GABRG3: variants seen among roughly 807,000 people sequenced by gnomAD.
The protein encoded by GABRG3 is gamma-aminobutyric acid type A receptor subunit gamma3.
In GABRG3, 25 loss-of-function variants were observed where a neutral mutation model predicts 48.8. That is an observed-to-expected ratio of 0.51 (90% CI 0.37 to 0.72). The LOEUF is 0.72. GABRG3 is among the 30% of genes least tolerant of loss of function. The pLI is 0.00. For missense variants in GABRG3, 394 were observed against 577.9 expected (o/e 0.68, Z 3.26); for synonymous variants, 227 against 217.6 (o/e 1.04, Z -0.38).
intron 9 of GABRG3, among the ~76,000 whole-genome samples, chr15:27,528,838 G>A (rs1038459954): frequency 1.3e-5 from 2 of 151,760 alleles, no homozygotes; most frequent in Non-Finnish European, 2.9e-5. Context: ...TATATAAATT[G>A]TATTTTATAA....
chr15:27,169,933 G>C (rs1887509287), intron 3 of GABRG3, among the ~76,000 whole-genome samples: 1 of 152,074 alleles, frequency 6.6e-6, no homozygotes. Flanking sequence ...AAGAGGGAGA[G>C]AGAGAGGAAA....
chr15:27,388,222 A>G (rs71397222), intron 5 of GABRG3, among the ~76,000 whole-genome samples: 3 of 53,582 alleles, frequency 5.6e-5, no homozygotes, highest in African/African-American at 9.6e-5. Context: ...AGGAGGAAGG[A>G]AGGAAAGGGA....
chr15:27,446,230 A>G (rs536259005), intron 5 of GABRG3, among the ~76,000 whole-genome samples: 4 of 152,320 alleles, frequency 2.6e-5, no homozygotes, highest in Admixed American at 2.0e-4. Flanking sequence ...GACTACTTTG[A>G]GTAGTATTAT....
intron 3 of GABRG3, among the ~76,000 whole-genome samples, chr15:27,210,868 G>C (rs1889057048): frequency 6.6e-6 from 1 of 152,132 alleles, no homozygotes; most frequent in Non-Finnish European, 1.5e-5. Flanking sequence ...CAGAAGGCCT[G>C]TTTCCGGGAA....
intron 5 of GABRG3, among the ~76,000 whole-genome samples, chr15:27,421,239 G>A (rs1888103785): frequency 6.6e-6 from 1 of 152,206 alleles, no homozygotes; most frequent in South Asian, 2.1e-4. Context: ...TAGCTTTGAG[G>A]ACAGAGGAGT....
At chr15:27,089,501 A>G (rs989229551) in intron 3 of GABRG3, among the ~76,000 whole-genome samples, 27 of 152,152 alleles carry the variant, frequency 1.8e-4, no homozygotes, top group African/African-American at 6.0e-4. Context: ...TCCGGGGTCC[A>G]TAGCCCTGGA....
At chr15:27,260,904 G>A (rs1890748143) in intron 3 of GABRG3, among the ~76,000 whole-genome samples, 1 of 152,152 alleles carries the variant, frequency 6.6e-6, no homozygotes, top group Non-Finnish European at 1.5e-5. Flanking sequence ...GCACTGAGAG[G>A]TATGACACGG....
intron 3 of GABRG3, among the ~76,000 whole-genome samples, chr15:27,302,557 C>A (rs1444139482): frequency 6.6e-6 from 1 of 151,916 alleles, no homozygotes; most frequent in Non-Finnish European, 1.5e-5. Context: ...CTTCAACATC[C>A]ACACCTCAGT....
chr15:27,188,547 GT>G (rs1888179152), intron 3 of GABRG3, among the ~76,000 whole-genome samples: 1 of 151,242 alleles, frequency 6.6e-6, no homozygotes, highest in Non-Finnish European at 1.5e-5. Flanking sequence ...GTCTGTTCAT[GT>G]CCTTTGCCCA....
At chr15:27,390,073 G>A (rs1896175745) in intron 5 of GABRG3, among the ~76,000 whole-genome samples, 1 of 152,314 alleles carries the variant, frequency 6.6e-6, no homozygotes, top group South Asian at 2.1e-4. Context: ...TGCTCCAAGT[G>A]AGATGTTTGT....
rs370736949 is a variant in GABRG3, at chr15:27,262,595, C to T, written c.271-64214C>T. Among the ~76,000 whole-genome samples the T allele has an allele frequency of 3.9e-5, 6 of 152,306 alleles. 1 individual carries two copies. The highest frequency in any genetic ancestry group is 1.4e-4 in the African/African-American group (6 of 41,556). On this transcript the variant is annotated intron_variant, in intron 3 of 9. Transcript: ENST00000615808. ...TCATTCTTACTCATTTGAAGTGGGA[C>T]GATGTCCTTACCTGGTGTAGATATT...
At chr15:27,311,330 G>A (rs1359043282) in intron 3 of GABRG3, among the ~76,000 whole-genome samples, 1 of 152,104 alleles carries the variant, frequency 6.6e-6, no homozygotes, top group Admixed American at 6.5e-5. Flanking sequence ...TAATTGCAAG[G>A]AAACCCCCAG....
At chr15:27,109,463 G>A (rs1321461983) in intron 3 of GABRG3, among the ~76,000 whole-genome samples, 2 of 152,078 alleles carry the variant, frequency 1.3e-5, no homozygotes, top group Non-Finnish European at 2.9e-5. Context: ...CATTACCTCC[G>A]ATCCCCTGTG....
At chr15:27,036,285 G>A (rs1486511169) in intron 3 of GABRG3, among the ~76,000 whole-genome samples, 1 of 152,226 alleles carries the variant, frequency 6.6e-6, no homozygotes, top group East Asian at 1.9e-4. Context: ...GAGCTCCTAG[G>A]CGCCAGATCA....
chr15:27,152,862 T>A (rs1437352802), intron 3 of GABRG3, among the ~76,000 whole-genome samples: 1 of 104,196 alleles, frequency 9.6e-6, no homozygotes, highest in South Asian at 2.4e-4. Flanking sequence ...TTCGAGTTAA[T>A]TTTTTTTTTT....
rs555336202 is a variant in GABRG3, at chr15:27,369,521, T to C, written c.574+40633T>C. Among the ~76,000 whole-genome samples the C allele has an allele frequency of 5.3e-5, 8 of 152,260 alleles. No individual in the cohort carries two copies. In the East Asian group the frequency reaches 1.5e-3, roughly 29 times the overall value. Reference sequence around the variant, plus strand: ...GTGTATGAACATGGGCTCTCCACTATGAAATTATGGTATTGGCCGGGCGCG... The same window carrying C: ...GTGTATGAACATGGGCTCTCCACTACGAAATTATGGTATTGGCCGGGCGCG... On this transcript the variant is annotated intron_variant, in intron 5 of 9. Coordinates refer to ENST00000615808, the MANE Select transcript of GABRG3 (RefSeq NM_033223.5).
At chr15:27,085,325 C>A (rs560463085) in intron 3 of GABRG3, among the ~76,000 whole-genome samples, 26 of 152,278 alleles carry the variant, frequency 1.7e-4, no homozygotes, top group African/African-American at 6.0e-4. Flanking sequence ...GCAAAATAAC[C>A]TATAGCACTG....
intron 3 of GABRG3, among the ~76,000 whole-genome samples, chr15:27,103,815 A>G (rs577903584): frequency 1.4e-4 from 21 of 152,254 alleles, no homozygotes; most frequent in African/African-American, 5.1e-4. Flanking sequence ...ACCAATATCA[A>G]TAGCTTGGGG....
intron 3 of GABRG3, among the ~76,000 whole-genome samples, chr15:27,232,590 C>T (rs1378569013): frequency 6.6e-6 from 1 of 152,154 alleles, no homozygotes; most frequent in Non-Finnish European, 1.5e-5. Flanking sequence ...TCCTGCCAGA[C>T]CATGTTCTGA....
Sources: gnomAD v4.1 joint callset for allele counts (sites outside exome capture counted in the v4.1 genomes callset) on GRCh38, gnomAD v4.1.1 for gene constraint, MANE v1.5 for transcripts, NCBI Gene and HGNC (gene_info 2026-07-23, HGNC 2026-07-21) for gene names.